MACROD2: variants seen among roughly 807,000 people sequenced by gnomAD.
MACROD2 encodes the protein ADP-ribose glycohydrolase MACROD2.
A neutral mutation model predicts 70.4 loss-of-function variants in MACROD2; 36 were observed. That is an observed-to-expected ratio of 0.51 (90% confidence interval 0.39 to 0.68). The LOEUF (loss-of-function observed/expected upper bound fraction) is 0.68, where lower values mean the gene tolerates loss of function less well. MACROD2 is among the 30% of genes least tolerant of loss of function. The pLI is 0.00. For missense variants in MACROD2, 496 were observed against 538.4 expected (o/e 0.92, Z 0.78); for synonymous variants, 172 against 178.8 (o/e 0.96, Z 0.30).
At chr20:15,440,583 A>G (rs1349201663) in intron 7 of MACROD2, among the ~76,000 whole-genome samples, 1 of 152,200 alleles carries the variant, frequency 6.6e-6, no homozygotes, top group Non-Finnish European at 1.5e-5. Flanking sequence ...AGTCACAGAC[A>G]TGACTTGGAA....
chr20:15,706,186 T>G (rs2050529505), intron 8 of MACROD2, among the ~76,000 whole-genome samples: 1 of 152,224 alleles, frequency 6.6e-6, no homozygotes, highest in Non-Finnish European at 1.5e-5. Flanking sequence ...AAAGGCAGAA[T>G]AAAGGTAGCT....
chr20:15,991,212 T>C (rs1432407355), intron 15 of MACROD2, among the ~76,000 whole-genome samples: 1 of 152,246 alleles, frequency 6.6e-6, no homozygotes, highest in Non-Finnish European at 1.5e-5. Context: ...CATCACCATC[T>C]TTCTTAGTCC....
intron 3 of MACROD2, among the ~76,000 whole-genome samples, chr20:14,322,020 A>G (rs1450284428): frequency 6.6e-6 from 1 of 150,566 alleles, no homozygotes; most frequent in African/African-American, 2.4e-5. Flanking sequence ...TATATGCTAT[A>G]TATTCAGAAT....
At chr20:14,971,021 G>T (rs1010639450) in intron 5 of MACROD2, among the ~76,000 whole-genome samples, 2 of 152,148 alleles carry the variant, frequency 1.3e-5, no homozygotes, top group African/African-American at 4.8e-5. Context: ...ATCAGTGAGG[G>T]ATTGCTTCCA....
chr20:14,760,947 G>T (rs2072007617), intron 5 of MACROD2, among the ~76,000 whole-genome samples: 1 of 152,060 alleles, frequency 6.6e-6, no homozygotes, highest in South Asian at 2.1e-4. Context: ...TCTTTTCTCT[G>T]TTCTTGTTCT....
intron 15 of MACROD2, among the ~76,000 whole-genome samples, chr20:16,013,501 G>A (rs1471526029): frequency 1.3e-5 from 2 of 152,138 alleles, no homozygotes; most frequent in African/African-American, 2.4e-5. Context: ...CATATCAAGG[G>A]GTAGTTTGGG....
At chr20:15,115,783 C>T (rs1053218159) in intron 5 of MACROD2, among the ~76,000 whole-genome samples, 43 of 152,116 alleles carry the variant, frequency 2.8e-4, no homozygotes, top group African/African-American at 8.9e-4. Context: ...CTGTATGTAG[C>T]GATGAAAACA....
intron 5 of MACROD2, among the ~76,000 whole-genome samples, chr20:14,769,205 T>G (rs1009287352): frequency 1.3e-5 from 2 of 152,104 alleles, no homozygotes; most frequent in South Asian, 2.1e-4. Context: ...TCATGTAACA[T>G]TAAATATTAA....
At chr20:14,737,651 T>A (rs2071683627) in intron 5 of MACROD2, among the ~76,000 whole-genome samples, 1 of 152,222 alleles carries the variant, frequency 6.6e-6, no homozygotes, top group Non-Finnish European at 1.5e-5. Context: ...CCATTCTAAC[T>A]GGCTTGAGAT....
chr20:14,058,679 C>G (rs2053659039), intron 2 of MACROD2, among the ~76,000 whole-genome samples: 2 of 141,460 alleles, frequency 1.4e-5, no homozygotes, highest in South Asian at 4.4e-4. Context: ...GAGTCTCGCT[C>G]TGTCACCAGG....
intron 3 of MACROD2, among the ~76,000 whole-genome samples, chr20:14,249,240 CT>C (rs1355635168): frequency 6.6e-6 from 1 of 150,824 alleles, no homozygotes; most frequent in Admixed American, 6.7e-5. Flanking sequence ...ATGCAGTCCC[CT>C]GAAATCATTC....
chr20:14,631,300 G>A (rs1163237787), intron 4 of MACROD2, among the ~76,000 whole-genome samples: 1 of 152,138 alleles, frequency 6.6e-6, no homozygotes, highest in Non-Finnish European at 1.5e-5. Flanking sequence ...AATTCCATAA[G>A]GAAAGTAACT....
intron 2 of MACROD2, among the ~76,000 whole-genome samples, chr20:14,041,724 G>C (rs1177187719): frequency 6.6e-6 from 1 of 152,182 alleles, no homozygotes; most frequent in East Asian, 1.9e-4. Flanking sequence ...ACCTAGCTTA[G>C]AGATGTCAGG....
At chr20:15,848,272 C>T (rs1259812316) in intron 8 of MACROD2, among the ~76,000 whole-genome samples, 1 of 152,068 alleles carries the variant, frequency 6.6e-6, no homozygotes, top group Non-Finnish European at 1.5e-5. Flanking sequence ...GCCACTAAGT[C>T]ATGATTTTCC....
At chr20:14,850,007 T>A (rs765900847) in intron 5 of MACROD2, 1 of 517,478 alleles carries the variant, frequency 1.9e-6, no homozygotes, top group South Asian at 1.4e-5. Context: ...AGATTAAGTA[T>A]GTTTCTCTAT....
chr20:14,046,164 T>C (rs1211705927), intron 2 of MACROD2, among the ~76,000 whole-genome samples: 1 of 152,190 alleles, frequency 6.6e-6, no homozygotes, highest in Non-Finnish European at 1.5e-5. Flanking sequence ...TGGATAATAC[T>C]GAAAACTAAG....
At position 15,604,712 on chromosome 20, in the gene MACROD2, G is replaced by A. The variant is rs1008366903; in HGVS notation, c.645+104865G>A. Among the ~76,000 whole-genome samples, 3 of 152,200 alleles carry A rather than the reference G, an allele frequency of 2.0e-5. No homozygotes were observed. In the East Asian group the frequency reaches 5.8e-4, roughly 29 times the overall value. On this transcript the variant is annotated intron_variant, in intron 8 of 17. Coordinates refer to ENST00000684519, the MANE Select transcript of MACROD2 (RefSeq NM_001351661.2). ...TATGAGAACATTCTTGGTGAAATAC[G>A]ATTTGGGGTTCTTGGTTCTTCTGGG...
intron 5 of MACROD2, among the ~76,000 whole-genome samples, chr20:15,167,418 A>C (rs2076393177): frequency 6.6e-6 from 1 of 152,188 alleles, no homozygotes; most frequent in African/African-American, 2.4e-5. Flanking sequence ...GTTAAGTGGA[A>C]TGCTCTGGTT....
intron 8 of MACROD2, among the ~76,000 whole-genome samples, chr20:15,699,972 C>T (rs892269316): frequency 1.3e-5 from 2 of 152,178 alleles, no homozygotes; most frequent in Admixed American, 6.5e-5. Context: ...ACTCGACTCA[C>T]TAACTTGACT....
Sources: gnomAD v4.1 joint callset for allele counts (sites outside exome capture counted in the v4.1 genomes callset) on GRCh38, gnomAD v4.1.1 for gene constraint, MANE v1.5 for transcripts, NCBI Gene and HGNC (gene_info 2026-07-23, HGNC 2026-07-21) for gene names.